FGF14: variants seen among roughly 807,000 people sequenced by gnomAD.
The protein encoded by FGF14 is fibroblast growth factor 14.
Under a neutral mutation model 25.5 loss-of-function variants are expected in FGF14, and 5 were observed. That is an observed-to-expected ratio of 0.20 (90% CI 0.10 to 0.41). The LOEUF (loss-of-function observed/expected upper bound fraction) is 0.41. Among genes scored for constraint, FGF14 ranks in the 10% least tolerant of loss-of-function variants. The pLI, the probability that FGF14 is intolerant of heterozygous loss-of-function variation, is 1.00. For synonymous variants in FGF14, 138 were observed against 118.3 expected (o/e 1.17, Z -1.08); for missense variants, 222 against 320.1 (o/e 0.69, Z 2.34).
At chr13:101,965,053 C>T (rs2037100100) in intron 1 of FGF14, among the ~76,000 whole-genome samples, 2 of 151,966 alleles carry the variant, frequency 1.3e-5, no homozygotes, top group African/African-American at 4.8e-5. Context: ...ATCCGCCTGG[C>T]CAACATGGGG....
chr13:102,382,932 C>T (rs1279238661), intron 1 of FGF14, among the ~76,000 whole-genome samples: 1 of 151,836 alleles, frequency 6.6e-6, no homozygotes, highest in Non-Finnish European at 1.5e-5. Context: ...TCAGTGGTTG[C>T]CAGGGGATAG....
At chr13:102,202,291 C>T (rs1186422779) in intron 1 of FGF14, among the ~76,000 whole-genome samples, 1 of 152,126 alleles carries the variant, frequency 6.6e-6, no homozygotes, top group African/African-American at 2.4e-5. Flanking sequence ...GAAAGATTAT[C>T]ATGGTCGGGA....
At chr13:102,307,568 C>G (rs1594801826) in intron 1 of FGF14, among the ~76,000 whole-genome samples, 1 of 152,014 alleles carries the variant, frequency 6.6e-6, no homozygotes. Flanking sequence ...ATAAGTGGTA[C>G]CATTTATTGA....
rs1245266069 is a variant in FGF14, at chr13:102,032,913, C to T, written c.209-157617G>A. ...CCCAGAGCTTTCTTCATGAAGCCTA[C>T]CTGAGAAGGAACAATGACAAGGAGC... On this transcript the variant is annotated intron_variant, in intron 1 of 4. Coordinates refer to the FGF14 transcript ENST00000376131. 2.6e-5 allele frequency among the ~76,000 whole-genome samples: 4 copies of T among 152,080 alleles called. No homozygotes were observed. In the East Asian group the frequency reaches 5.8e-4, roughly 22 times the overall value.
intron 3 of FGF14, among the ~76,000 whole-genome samples, chr13:101,770,755 G>T (rs1259651566): frequency 6.6e-6 from 1 of 151,966 alleles, no homozygotes; most frequent in Non-Finnish European, 1.5e-5. Context: ...TCAAAAAATT[G>T]TTAATTTGGA....
chr13:102,160,742 G>A (rs1437661862), intron 1 of FGF14, among the ~76,000 whole-genome samples: 1 of 152,018 alleles, frequency 6.6e-6, no homozygotes, highest in Non-Finnish European at 1.5e-5. Context: ...GGATAAAGGA[G>A]AATTCCAGAG....
At chr13:101,896,077 T>C (rs912706262) in intron 1 of FGF14, among the ~76,000 whole-genome samples, 2 of 152,218 alleles carry the variant, frequency 1.3e-5, no homozygotes, top group African/African-American at 4.8e-5. Flanking sequence ...CTCATACCCA[T>C]GTACTGCTTG....
chr13:102,097,393 T>C (rs1566680870), intron 1 of FGF14, among the ~76,000 whole-genome samples: 1 of 151,134 alleles, frequency 6.6e-6, no homozygotes, highest in Non-Finnish European at 1.5e-5. Context: ...CTGGGACAAA[T>C]AGTTTTCCAA....
intron 1 of FGF14, among the ~76,000 whole-genome samples, chr13:102,322,762 A>C (rs2056294391): frequency 6.6e-6 from 1 of 152,156 alleles, no homozygotes; most frequent in Non-Finnish European, 1.5e-5. Flanking sequence ...TGTCTAAATT[A>C]TTCCTAAAAC....
intron 1 of FGF14, among the ~76,000 whole-genome samples, chr13:102,148,616 C>T (rs1009559840): frequency 4.6e-5 from 7 of 152,110 alleles, no homozygotes; most frequent in Non-Finnish European, 1.0e-4. Flanking sequence ...CGCGACCAGC[C>T]TGGGCAACAG....
intron 1 of FGF14, among the ~76,000 whole-genome samples, chr13:102,318,542 C>A (rs776839094): frequency 2.0e-5 from 3 of 152,140 alleles, no homozygotes; most frequent in Non-Finnish European, 4.4e-5. Flanking sequence ...GGTTTTTCTG[C>A]CTGTCTTCAG....
intron 1 of FGF14, among the ~76,000 whole-genome samples, chr13:101,885,875 C>A (rs533086749): frequency 6.6e-6 from 1 of 152,240 alleles, no homozygotes; most frequent in African/African-American, 2.4e-5. Context: ...CTCAGGAACA[C>A]CACCTAACTA....
At chr13:102,361,030 TA>T (rs749729855) in intron 1 of FGF14, among the ~76,000 whole-genome samples, 21 of 151,040 alleles carry the variant, frequency 1.4e-4, no homozygotes, top group African/African-American at 4.9e-4. Context: ...TGGAGAACTT[TA>T]AAAAAAAAGA....
At chr13:101,940,630 T>C (rs542987549) in intron 1 of FGF14, among the ~76,000 whole-genome samples, 1 of 152,218 alleles carries the variant, frequency 6.6e-6, no homozygotes, top group Non-Finnish European at 1.5e-5. Flanking sequence ...CTAAAGTAAC[T>C]GACAATCCAC....
At position 101,974,234 on chromosome 13, in the gene FGF14, C is replaced by T. The variant is rs188271523; in HGVS notation, c.209-98938G>A. On this transcript the variant is annotated intron_variant, in intron 1 of 4. Transcript: ENST00000376131. ...CTACAGTCACACCTTTAGAACTCAT[C>T]TATGGTTGCTAATCTTTGCATGAAC... 9.4e-4 allele frequency among the ~76,000 whole-genome samples: 143 copies of T among 152,280 alleles called. 2 individuals carry two copies. The highest frequency in any genetic ancestry group is 8.5e-3 in the Admixed American group (130 of 15,296).
chr13:101,808,469 A>G (rs1160267962), intron 3 of FGF14, among the ~76,000 whole-genome samples: 1 of 152,178 alleles, frequency 6.6e-6, no homozygotes, highest in Non-Finnish European at 1.5e-5. Flanking sequence ...AATGTTTGTC[A>G]TATCTTTAAA....
chr13:101,850,213 C>A (rs2043680181), intron 3 of FGF14, among the ~76,000 whole-genome samples: 1 of 133,708 alleles, frequency 7.5e-6, no homozygotes, highest in Non-Finnish European at 1.5e-5. Flanking sequence ...GTGGGTGGAT[C>A]ACTTGAGGTC....
At chr13:102,391,281 G>A (rs371876105) in intron 1 of FGF14, among the ~76,000 whole-genome samples, 38 of 152,204 alleles carry the variant, frequency 2.5e-4, no homozygotes, top group African/African-American at 8.9e-4. Flanking sequence ...AAGGGCAAGC[G>A]GTCTGACAAA....
chr13:102,310,120 G>C (rs1045220655), intron 1 of FGF14, among the ~76,000 whole-genome samples: 15 of 152,098 alleles, frequency 9.9e-5, no homozygotes, highest in Admixed American at 3.9e-4. Context: ...CTGTCATTCT[G>C]GCATCAGTTT....
Sources: gnomAD v4.1 joint callset for allele counts (sites outside exome capture counted in the v4.1 genomes callset) on GRCh38, gnomAD v4.1.1 for gene constraint, MANE v1.5 for transcripts, NCBI Gene and HGNC (gene_info 2026-07-23, HGNC 2026-07-21) for gene names.